Variants in SYTL2 observed in about 807,000 individuals in gnomAD.
The protein encoded by SYTL2 is synaptotagmin like 2.
In SYTL2, 165 loss-of-function variants were observed where a neutral mutation model predicts 198.7. The observed-to-expected ratio is 0.83, with a 90% CI of 0.73 to 0.94. The LOEUF (loss-of-function observed/expected upper bound fraction) is 0.94, where lower values mean the gene tolerates loss of function less well. Among genes scored for constraint, SYTL2 ranks in the 40% least tolerant of loss-of-function variants. The pLI is 0.00. For synonymous variants in SYTL2, 966 were observed against 917.7 expected, an observed-to-expected ratio of 1.05 and a Z score of -0.95; for missense variants, 2,835 against 2,582.8, an observed-to-expected ratio of 1.10 and a Z score of -2.12.
In SYTL2 at chr11:85,737,666, A is replaced by G. The variant is rs114328641; in HGVS notation, c.390-10T>C. On this transcript the variant is annotated splice_polypyrimidine_tract_variant and intron_variant, in intron 4 of 19. Transcript: ENST00000359152. ...ATTTACCACACTGGAACTGCAAAAG[A>G]AACAATAATTCAGAGAATAAAACCT... 3.2e-5 allele frequency: 51 copies of G among 1,609,028 alleles called. No individual in the cohort carries two copies. In the African/African-American group the frequency reaches 6.4e-4, roughly 20 times the overall value.
At position 85,725,214 on chromosome 11, in the gene SYTL2, A is replaced by G. The variant is rs2088963538; in HGVS notation, c.4144T>C (p.Trp1382Arg). The change falls in exon 8 of 20, where the codon TGG (tryptophan) becomes CGG (arginine). Residue 1382 changes from tryptophan to arginine, a missense_variant. Transcript: ENST00000359152. Reference protein sequence around the residue: ...AALQKLCGEVWLSYPAGREVG... With the variant: ...AALQKLCGEVRLSYPAGREVG... Reference sequence around the variant, plus strand: ...TCCCTTCCAGCTGGATAACTTAACCATACTTCTCCACACAGCTTCTGTAAT... The same window carrying G: ...TCCCTTCCAGCTGGATAACTTAACCGTACTTCTCCACACAGCTTCTGTAAT... The G allele has an allele frequency of 6.2e-7, 1 of 1,613,966 alleles. No individual in the cohort carries two copies. The highest frequency in any genetic ancestry group is 1.7e-5 in the Admixed American group (1 of 59,996).
intron 6 of SYTL2, 128 bp from the exon 7 acceptor site, chr11:85,734,870 C>A: frequency 1.3e-6 from 1 of 743,824 alleles, no homozygotes; most frequent in Non-Finnish European, 2.1e-6. Context: ...GTATGTGGCA[C>A]AACTACAGGC....
chr11:85,727,962 G>A lies in SYTL2; in HGVS notation c.1396C>T (p.Leu466=). Residue 466 remains leucine (L), a synonymous_variant, in exon 8 of 20, where the codon CTG becomes TTG. Coordinates refer to ENST00000359152, the MANE Select transcript of SYTL2 (RefSeq NM_206927.4). ...GGCTCAGGCTCAACACAATGAGACA[G>A]TTCATCTGCAACATAGAAATACTTT... ...SVLPRSPADE[L]SHCVEPEPSQ... The A allele has an allele frequency of 5.1e-6, 8 of 1,581,504 alleles. No homozygotes were observed. The highest frequency in any genetic ancestry group is 6.8e-6 in the Non-Finnish European group (8 of 1,169,282).
chr11:85,746,557 G>A (rs1591866020), intron 3 of SYTL2, among the ~76,000 whole-genome samples: 1 of 152,260 alleles, frequency 6.6e-6, no homozygotes, highest in African/African-American at 2.4e-5. Flanking sequence ...CTTGCCTAAG[G>A]CCACAGAGCC....
intron 1 of SYTL2, among the ~76,000 whole-genome samples, chr11:85,761,256 G>A (rs866119758): frequency 2.0e-5 from 3 of 152,350 alleles, no homozygotes; most frequent in African/African-American, 4.8e-5. Flanking sequence ...GGGAAGGGAG[G>A]AGAATAATAA....
chr11:85,795,301 G>A (rs1254169487), intron 1 of SYTL2, among the ~76,000 whole-genome samples: 1 of 151,700 alleles, frequency 6.6e-6, no homozygotes, highest in African/African-American at 2.4e-5. Context: ...TGATGGCCTG[G>A]CTCCAGGCTC....
In SYTL2 at chr11:85,697,998, G is replaced by C. The variant is rs1472836026; in HGVS notation, c.6349C>G (p.Leu2117Val). The C allele has an allele frequency of 1.2e-6, 2 of 1,612,212 alleles. No homozygotes were observed. The highest frequency in any genetic ancestry group is 1.7e-5 in the Admixed American group (1 of 60,006). ...LDLPLLRGSH[L>V]NSFVKCTILP... ...TATTACCATTTAACAAAAGAATTTA[G>C]ATGACTTCCCCTTAGCAGTGGTAGA... Residue 2117 changes from leucine to valine, a missense_variant, in exon 18 of 20, where the codon CTA becomes GTA. Physicochemically the swap from Leu to Val is conservative, Grantham distance 32. Around this residue, in one of 3 missense-constraint regions of SYTL2, gnomAD observed 185 missense variants for 182.1 expected, o/e 1.02. Coordinates refer to ENST00000359152, the MANE Select transcript of SYTL2 (RefSeq NM_206927.4).
chr11:85,848,968 GA>G, the SYTL2 span, among the ~76,000 whole-genome samples: 5 of 151,956 alleles, frequency 3.3e-5, no homozygotes, highest in African/African-American at 1.2e-4. Context: ...GAGAGACAAA[GA>G]AAAAAAAGTG....
intron 12 of SYTL2, 61 bp downstream of exon 12, chr11:85,714,352 T>C (rs564758573): frequency 2.2e-6 from 3 of 1,355,964 alleles, no homozygotes; most frequent in East Asian, 2.3e-5. Context: ...CACACCAACC[T>C]TGGCATAGCA....
chr11:85,835,280 A>G, the SYTL2 span, among the ~76,000 whole-genome samples: 1 of 152,304 alleles, frequency 6.6e-6, no homozygotes, highest in South Asian at 2.1e-4. Context: ...TATCACTTTT[A>G]ACAAAAACTA....
chr11:85,849,647 T>G, the SYTL2 span, among the ~76,000 whole-genome samples: 7 of 150,022 alleles, frequency 4.7e-5, no homozygotes, highest in South Asian at 4.3e-4. Flanking sequence ...TTGATCTATA[T>G]CTCTGTTTTG....
In SYTL2 at chr11:85,707,460, G is replaced by A; in HGVS notation, c.5987C>T (p.Thr1996Ile). ...TATTTCGTTATACACAGGATTCAAG[G>A]TTTTCTTCACTACGAGTGTTTTCTT... is the stretch of plus-strand genomic sequence containing the variant. ...GKKKTLVVKK[T>I]LNPVYNEILR... Residue 1996 changes from threonine (T) to isoleucine (I), a missense_variant, in exon 15 of 20, where the codon ACC becomes ATC. Transcript: ENST00000359152. The A allele has an allele frequency of 6.2e-7, 1 of 1,613,826 alleles. No individual in the cohort carries two copies. The highest frequency in any genetic ancestry group is 1.1e-5 in the South Asian group (1 of 91,054).
Position 85,725,934 on chromosome 11 carries a change from C to G in SYTL2, c.3424G>C (p.Glu1142Gln). 1 of 1,614,148 alleles carries G rather than the reference C, an allele frequency of 6.2e-7. No homozygotes were observed. Among genetic ancestry groups the G allele is most frequent in the Non-Finnish European group, 8.5e-7 (1 of 1,180,006 alleles). Residue 1142 changes from glutamate (E) to glutamine (Q), a missense_variant, in exon 8 of 20, where the codon GAA (glutamate) becomes CAA (glutamine). Physicochemically the swap from Glu to Gln is conservative, Grantham distance 29 (BLOSUM62 2). Transcript: ENST00000359152. ...FNDSLQKLLSETSTPAIQPSG... is the reference protein window; with the variant it reads ...FNDSLQKLLSQTSTPAIQPSG... ...GGTTGAATTGCTGGTGTTGAGGTTT[C>G]TGAAAGCAGTTTCTGCAAGCTGTCA...
the SYTL2 span, among the ~76,000 whole-genome samples, chr11:85,822,804 G>A: frequency 1.3e-5 from 2 of 152,238 alleles, no homozygotes; most frequent in East Asian, 3.8e-4. Context: ...GGACGGACAA[G>A]CTGACAGGGA....
rs530156803 is a variant in SYTL2, at chr11:85,699,134, G to A, written c.6269-1056C>T. 7.2e-5 allele frequency among the ~76,000 whole-genome samples: 11 copies of A among 152,294 alleles called. No homozygotes were observed. The South Asian group carries it at 2.1e-3, about 29-fold the overall frequency. ...TTGGGAAATGTTTATAGTTATGTTG[G>A]AGAGAATAATTCAAATAAAATGATA... On this transcript the variant is annotated intron_variant, in intron 17 of 19. Transcript: ENST00000359152.
chr11:85,699,902 G>A (rs542235018), intron 17 of SYTL2, among the ~76,000 whole-genome samples: 41 of 152,284 alleles, frequency 2.7e-4, no homozygotes, highest in African/African-American at 9.6e-4. Context: ...TGAGAGTGGA[G>A]GGTGAATGAG....
chr11:85,739,981 T>A (rs1299712419), intron 4 of SYTL2, among the ~76,000 whole-genome samples: 1 of 152,178 alleles, frequency 6.6e-6, no homozygotes, highest in Non-Finnish European at 1.5e-5. Context: ...TTGTGTCAAC[T>A]CTATTGGCCT....
Position 85,696,181 on chromosome 11 carries a change from A to T in SYTL2, c.6574+2T>A, listed in dbSNP as rs897552975. 1.2e-6 allele frequency: 2 copies of T among 1,613,638 alleles called. No homozygotes were observed. The highest frequency in any genetic ancestry group is 2.7e-5 in the African/African-American group (2 of 74,922). ...GAGAATTAAAAATGTAGCAAACAGTACCTGTTCCAAAGCCAATACGAAGAC... is the reference window on the plus strand; with the variant it reads ...GAGAATTAAAAATGTAGCAAACAGTTCCTGTTCCAAAGCCAATACGAAGAC... On this transcript the variant is annotated splice_donor_variant, in intron 19 of 19. Coordinates refer to ENST00000359152, the MANE Select transcript of SYTL2 (RefSeq NM_206927.4). LOFTEE classifies it high-confidence loss of function.
intron 1 of SYTL2, among the ~76,000 whole-genome samples, chr11:85,800,959 C>T (rs986419352): frequency 2.0e-5 from 3 of 152,198 alleles, no homozygotes; most frequent in Non-Finnish European, 2.9e-5. Flanking sequence ...TCGGGTTTTC[C>T]CTCCAGCATA....
Sources: gnomAD v4.1 joint callset for allele counts (sites outside exome capture counted in the v4.1 genomes callset) on GRCh38, gnomAD v4.1.1 for gene constraint, gnomAD v4.1.1 regional missense constraint, MANE v1.5 for transcripts, NCBI Gene and HGNC (gene_info 2026-07-23, HGNC 2026-07-21) for gene names.